The following TRIM66 variants were observed in gnomAD, a reference collection of about 807,000 sequenced individuals.
TRIM66 encodes tripartite motif containing 66.
In TRIM66, 99 loss-of-function variants were observed where a neutral mutation model predicts 148.2. The observed-to-expected ratio is 0.67, with a 90% CI of 0.57 to 0.79. The LOEUF is 0.79. Among genes scored for constraint, TRIM66 ranks in the 30% least tolerant of loss-of-function variants. The probability of loss-of-function intolerance (pLI) is 0.00; values close to 1 mark genes in which losing one functional copy is unlikely to be tolerated. For synonymous variants in TRIM66, 616 were observed against 635.9 expected, an observed-to-expected ratio of 0.97 and a Z score of 0.47; for missense variants, 1,666 against 1,697.9, an observed-to-expected ratio of 0.98 and a Z score of 0.33.
chr11:8,671,770 G>A lies in TRIM66; in HGVS notation c.340+16C>T, dbSNP rs1384103524. Reference sequence around the variant, plus strand: ...TTATGTAGTGGGAGGTGAACTTGTGGTGCCTTTGTACTTACCATCTGCAAC... The same window carrying A: ...TTATGTAGTGGGAGGTGAACTTGTGATGCCTTTGTACTTACCATCTGCAAC... On this transcript the variant is annotated intron_variant, in intron 6 of 24. Transcript: ENST00000646038. 9.0e-7 allele frequency: 1 copy of A among 1,116,872 alleles called. No individual in the cohort carries two copies. Among genetic ancestry groups the A allele is most frequent in the African/African-American group, 1.5e-5 (1 of 64,882 alleles). The allele number at this position is 1,116,872 out of a possible 1,614,324, so 69.2% of individuals were successfully genotyped here.
chr11:8,641,751 G>A (rs550906673), intron 13 of TRIM66, among the ~76,000 whole-genome samples: 232 of 152,196 alleles, frequency 1.5e-3, no homozygotes, highest in Non-Finnish European at 2.8e-3. Flanking sequence ...TCGTGGGGGC[G>A]GATCCCTCAT....
intron 15 of TRIM66, among the ~76,000 whole-genome samples, chr11:8,631,980 G>T (rs114185559): frequency 1.3e-5 from 2 of 152,262 alleles, no homozygotes; most frequent in African/African-American, 4.8e-5. Context: ...TTTGGGAGTT[G>T]TGTCTAGGAA....
At chr11:8,627,901 T>A (rs779770832) in intron 15 of TRIM66, among the ~76,000 whole-genome samples, 16 of 152,354 alleles carry the variant, frequency 1.1e-4, no homozygotes, top group Middle Eastern at 3.4e-3. Context: ...CACAGCTCAC[T>A]GCAGCCTTGA....
chr11:8,625,346 TGGTAG>T, intron 15 of TRIM66, 118 bp from the exon 16 acceptor site: 1 of 676,620 alleles, frequency 1.5e-6, no homozygotes, highest in Non-Finnish European at 1.9e-6. Flanking sequence ...CTTCAGAGTC[TGGTAG>T]CTGCTGGTAG....
chr11:8,674,076 T>A (rs928124373), intron 4 of TRIM66, among the ~76,000 whole-genome samples: 1 of 152,228 alleles, frequency 6.6e-6, no homozygotes, highest in African/African-American at 2.4e-5. Context: ...GAGGACAGTC[T>A]CTATTAGAAG....
intron 6 of TRIM66, among the ~76,000 whole-genome samples, chr11:8,663,575 A>T (rs1488921086): frequency 6.6e-6 from 1 of 152,152 alleles, no homozygotes; most frequent in African/African-American, 2.4e-5. Flanking sequence ...TAATATTTTC[A>T]GGCTGTGAGT....
At position 8,640,948 on chromosome 11, in the gene TRIM66, G is replaced by C; in HGVS notation, c.1427C>G (p.Ser476Cys). ...GGGTGGGGGGACCTGGCCTTTGAGG[G>C]AAGGCGAGACTGGGGAGCAGTGGGA... ...CCSHCSPVSPSLKGQVPPPSI... is the reference protein window; with the variant it reads ...CCSHCSPVSPCLKGQVPPPSI... Residue 476 changes from serine to cysteine, a missense_variant, in exon 14 of 25, where the codon TCC becomes TGC. Physicochemically the swap from Ser to Cys is moderately radical, Grantham distance 112 (BLOSUM62 -1). This residue lies in a region of TRIM66 where 1,431 missense variants were observed against 1,412.4 expected (regional missense o/e 1.01). Transcript: ENST00000646038. 6.4e-7 allele frequency: 1 copy of C among 1,551,206 alleles called. No homozygotes were observed. Among genetic ancestry groups the C allele is most frequent in the Non-Finnish European group, 8.7e-7 (1 of 1,146,970 alleles).
chr11:8,659,408 C>T (rs1292889908), intron 6 of TRIM66, among the ~76,000 whole-genome samples: 1 of 152,108 alleles, frequency 6.6e-6, no homozygotes, highest in African/African-American at 2.4e-5. Context: ...TCAAAGAGAA[C>T]TGACAGGACA....
intron 22 of TRIM66, 148 bp from the exon 23 acceptor site, chr11:8,619,683 G>A: frequency 1.1e-6 from 1 of 881,368 alleles, no homozygotes; most frequent in Non-Finnish European, 1.7e-6. Context: ...AGGAAGAAAA[G>A]GATGGAGAAA....
rs138444298 is a variant in TRIM66, at chr11:8,620,481, G to A, written c.3637C>T (p.Arg1213Trp). The A allele has an allele frequency of 4.6e-3, 7,100 of 1,551,766 alleles. 26 individuals carry two copies. The highest frequency in any genetic ancestry group is 6.8e-3 in the South Asian group (575 of 84,062). ...TACATGCTTAGGCCAGGAGATGCCC[G>A]CATTCCAGGCTGGTTATAGCAGGCA... ...ENACYNQPGM[R>W]ASPGLSMYDQ... Residue 1213 changes from arginine to tryptophan, a missense_variant, in exon 21 of 25, where the codon CGG (arginine) becomes TGG (tryptophan). Physicochemically the swap from Arg to Trp is moderately radical, Grantham distance 101. Coordinates refer to ENST00000646038, the MANE Select transcript of TRIM66 (RefSeq NM_001388022.1).
At position 8,648,784 on chromosome 11, in the gene TRIM66, A is replaced by G. The variant is rs7106755; in HGVS notation, c.593-236T>C. Among the ~76,000 whole-genome samples the G allele has an allele frequency of 4.6e-3, 708 of 152,352 alleles. 5 individuals carry two copies. Among genetic ancestry groups the G allele is most frequent in the African/African-American group, 0.016 (678 of 41,584 alleles). On this transcript the variant is annotated intron_variant, in intron 8 of 24. Coordinates refer to ENST00000646038, the MANE Select transcript of TRIM66 (RefSeq NM_001388022.1). ...CACCATCAAGCCCAAGCATCCCACTACCTGCCAGAGGCTGAGGAAGGCGCT... is the reference window on the plus strand; with the variant it reads ...CACCATCAAGCCCAAGCATCCCACTGCCTGCCAGAGGCTGAGGAAGGCGCT...
rs1401275008 is a variant in TRIM66, at chr11:8,618,956, C to T, written c.3913G>A (p.Val1305Ile). Residue 1305 changes from valine (V) to isoleucine (I), a missense_variant, in exon 24 of 25, where the codon GTT (valine) becomes ATT (isoleucine). Physicochemically the swap from Val to Ile is conservative, Grantham distance 29. This residue lies in a region of TRIM66 where 204 missense variants were observed against 231.0 expected (regional missense o/e 0.88). Coordinates refer to ENST00000646038, the MANE Select transcript of TRIM66 (RefSeq NM_001388022.1). ...CAKFNYPDSE[V>I]AEAGRCLEVF... Reference sequence around the variant, plus strand: ...TCCAGGCAGCGGCCAGCCTCTGCAACCTCGGAGTCAGGCTGATGGGGGAGG... The same window carrying T: ...TCCAGGCAGCGGCCAGCCTCTGCAATCTCGGAGTCAGGCTGATGGGGGAGG... 6.4e-7 allele frequency: 1 copy of T among 1,551,440 alleles called. No individual in the cohort carries two copies. The highest frequency in any genetic ancestry group is 8.7e-7 in the Non-Finnish European group (1 of 1,146,946).
rs2038645507 is a variant in TRIM66, at chr11:8,667,023, G to A, written c.340+4763C>T. On this transcript the variant is annotated intron_variant, in intron 6 of 24. Coordinates refer to ENST00000646038, the MANE Select transcript of TRIM66 (RefSeq NM_001388022.1). Reference sequence around the variant, plus strand: ...TTTAGTAGAGACAGGGTTTCGCCATGTTAACCAGGCTGGTCTTCTCCTGAC... The same window carrying A: ...TTTAGTAGAGACAGGGTTTCGCCATATTAACCAGGCTGGTCTTCTCCTGAC... Among the ~76,000 whole-genome samples, 3 of 152,204 alleles carry A rather than the reference G, an allele frequency of 2.0e-5. No individual in the cohort carries two copies. In the South Asian group the frequency reaches 6.2e-4, roughly 32 times the overall value.
Position 8,640,680 on chromosome 11 carries a change from C to G in TRIM66, c.1695G>C (p.Gln565His). The G allele has an allele frequency of 6.4e-7, 1 of 1,551,604 alleles. No homozygotes were observed. Among genetic ancestry groups the G allele is most frequent in the South Asian group, 1.2e-5 (1 of 84,050 alleles). ...PVCIVPPQDV[Q>H]QGAHAQPTLQ... ...AGGTGGGCTGGGCATGGGCTCCTTG[C>G]TGAACATCCTGTGGGGGGACAATGC... is the stretch of plus-strand genomic sequence containing the variant. Residue 565 changes from glutamine to histidine, a missense_variant, in exon 14 of 25, where the codon CAG becomes CAC. Physicochemically the swap from Gln to His is conservative, Grantham distance 24. Transcript: ENST00000646038.
At chr11:8,627,711 T>C (rs2034988634) in intron 15 of TRIM66, among the ~76,000 whole-genome samples, 1 of 152,278 alleles carries the variant, frequency 6.6e-6, no homozygotes, top group South Asian at 2.1e-4. Context: ...GTACTGTATA[T>C]AGAAATACAA....
At chr11:8,650,747 G>T (rs2037288124) in intron 7 of TRIM66, among the ~76,000 whole-genome samples, 1 of 152,184 alleles carries the variant, frequency 6.6e-6, no homozygotes, top group African/African-American at 2.4e-5. Flanking sequence ...TTACAAAAAG[G>T]AAACACTTGA....
At chr11:8,657,692 C>T (rs1224093672) in intron 6 of TRIM66, among the ~76,000 whole-genome samples, 1 of 152,092 alleles carries the variant, frequency 6.6e-6, no homozygotes, top group East Asian at 1.9e-4. Flanking sequence ...CGGGCAGCCC[C>T]AGTCTACTGA....
chr11:8,633,431 C>T (rs1395115939), intron 15 of TRIM66, among the ~76,000 whole-genome samples: 3 of 152,064 alleles, frequency 2.0e-5, no homozygotes, highest in Non-Finnish European at 4.4e-5. Flanking sequence ...GGCCAGGAGA[C>T]CTAGACAAAA....
chr11:8,641,203 C>T, intron 13 of TRIM66, 51 bp from the exon 14 acceptor site: 1 of 1,468,280 alleles, frequency 6.8e-7, no homozygotes, highest in Non-Finnish European at 9.2e-7. Flanking sequence ...GTTGCTCCCA[C>T]CTTGCTACTT....
Sources: gnomAD v4.1 joint callset for allele counts (sites outside exome capture counted in the v4.1 genomes callset) on GRCh38, gnomAD v4.1.1 for gene constraint, gnomAD v4.1.1 regional missense constraint, MANE v1.5 for transcripts, NCBI Gene and HGNC (gene_info 2026-07-23, HGNC 2026-07-21) for gene names.